SPATA16: variants seen among roughly 807,000 people sequenced by gnomAD.
SPATA16 encodes the protein spermatogenesis associated 16.
In SPATA16, 36 loss-of-function variants were observed where a neutral mutation model predicts 63.3. The observed-to-expected ratio is 0.57, with a 90% CI of 0.44 to 0.75. The LOEUF (loss-of-function observed/expected upper bound fraction) is 0.75. SPATA16 is among the 30% of genes least tolerant of loss of function. SPATA16 has a pLI of 0.00. For missense variants in SPATA16, 646 were observed against 679.3 expected, an observed-to-expected ratio of 0.95 and a Z score of 0.54; for synonymous variants, 203 against 216.7, an observed-to-expected ratio of 0.94 and a Z score of 0.56.
At chr3:173,026,683 C>T (rs1475325363) in intron 3 of SPATA16, among the ~76,000 whole-genome samples, 1 of 151,864 alleles carries the variant, frequency 6.6e-6, no homozygotes, top group East Asian at 1.9e-4. Context: ...AAAGACTATT[C>T]TTTCTCTATT....
intron 10 of SPATA16, among the ~76,000 whole-genome samples, chr3:172,890,316 A>G (rs1437587989): frequency 6.6e-6 from 1 of 152,148 alleles, no homozygotes; most frequent in Non-Finnish European, 1.5e-5. Context: ...AAAACTTGCA[A>G]TTATTCAATG....
At chr3:173,017,506 A>G (rs918778194) in intron 4 of SPATA16, among the ~76,000 whole-genome samples, 2 of 152,196 alleles carry the variant, frequency 1.3e-5, no homozygotes, top group Non-Finnish European at 2.9e-5. Flanking sequence ...TGTTATAGCC[A>G]ATGGTATGCT....
chr3:172,941,498 A>T (rs1357030698), intron 6 of SPATA16, among the ~76,000 whole-genome samples: 1 of 152,240 alleles, frequency 6.6e-6, no homozygotes, highest in African/African-American at 2.4e-5. Flanking sequence ...TGACTTCCCA[A>T]CAGCAATGAC....
chr3:173,102,906 A>C (rs1365931467), intron 2 of SPATA16, among the ~76,000 whole-genome samples: 1 of 152,216 alleles, frequency 6.6e-6, no homozygotes, highest in Non-Finnish European at 1.5e-5. Flanking sequence ...AATATAAACA[A>C]GTTATTTACT....
intron 4 of SPATA16, among the ~76,000 whole-genome samples, chr3:173,012,223 GCTAA>G (rs1735090063): frequency 6.6e-6 from 1 of 152,152 alleles, no homozygotes. Context: ...TAGGAACACA[GCTAA>G]CTAAGGAGAT....
chr3:173,052,641 A>G (rs946628272), intron 2 of SPATA16, among the ~76,000 whole-genome samples: 81 of 152,370 alleles, frequency 5.3e-4, no homozygotes, highest in African/African-American at 1.9e-3. Context: ...ACCATGAAAC[A>G]CATTTCAGAT....
intron 2 of SPATA16, among the ~76,000 whole-genome samples, chr3:173,083,660 C>G (rs537283476): frequency 2.6e-5 from 4 of 152,114 alleles, no homozygotes; most frequent in Non-Finnish European, 5.9e-5. Context: ...CCCCGAAAGG[C>G]CCCAGTGTGT....
chr3:173,005,174 G>A (rs892678048), intron 4 of SPATA16, among the ~76,000 whole-genome samples: 2 of 151,718 alleles, frequency 1.3e-5, no homozygotes, highest in African/African-American at 4.8e-5. Context: ...ACACAAAAAC[G>A]TCAACCAGGC....
At chr3:173,132,166 A>G (rs527322549) in intron 1 of SPATA16, among the ~76,000 whole-genome samples, 12 of 152,210 alleles carry the variant, frequency 7.9e-5, no homozygotes, top group African/African-American at 1.2e-4. Context: ...GTTGAGAAAT[A>G]TACTCTTGGA....
intron 5 of SPATA16, among the ~76,000 whole-genome samples, chr3:172,963,979 T>C (rs2108241578): frequency 6.6e-6 from 1 of 152,306 alleles, no homozygotes; most frequent in Non-Finnish European, 1.5e-5. Flanking sequence ...TCTTTTTTCA[T>C]CACTATCTAC....
chr3:173,028,335 A>G (rs1170523148), intron 3 of SPATA16, among the ~76,000 whole-genome samples: 1 of 151,862 alleles, frequency 6.6e-6, no homozygotes, highest in Non-Finnish European at 1.5e-5. Context: ...ATGCTGGATA[A>G]TAGCATCATT....
chr3:173,030,539 A>T (rs137946114), intron 3 of SPATA16, among the ~76,000 whole-genome samples: 9 of 152,054 alleles, frequency 5.9e-5, no homozygotes, highest in African/African-American at 1.9e-4. Context: ...ACCATCTCAC[A>T]CCCATTAGAA....
chr3:173,066,720 A>G (rs778559900), intron 2 of SPATA16, among the ~76,000 whole-genome samples: 11 of 152,190 alleles, frequency 7.2e-5, no homozygotes, highest in Non-Finnish European at 1.5e-4. Flanking sequence ...CCCATACTAC[A>G]GAGACTAGAA....
chr3:173,050,192 T>A (rs1211926066), intron 2 of SPATA16, among the ~76,000 whole-genome samples: 1 of 152,188 alleles, frequency 6.6e-6, no homozygotes, highest in Non-Finnish European at 1.5e-5. Flanking sequence ...ATGCAGTTTG[T>A]TATTTGAATG....
At chr3:173,073,051 C>G (rs530110358) in intron 2 of SPATA16, among the ~76,000 whole-genome samples, 2 of 152,212 alleles carry the variant, frequency 1.3e-5, no homozygotes, top group South Asian at 4.2e-4. Flanking sequence ...CAGCATTTTG[C>G]CATTTTGCCT....
At chr3:172,894,491 CAAAAA>C (rs34213880) in intron 10 of SPATA16, among the ~76,000 whole-genome samples, 1 of 143,580 alleles carries the variant, frequency 7.0e-6, no homozygotes, top group East Asian at 2.0e-4. Context: ...ACAAAACATG[CAAAAA>C]AAAAAAAAAG....
intron 9 of SPATA16, among the ~76,000 whole-genome samples, chr3:172,915,415 G>A (rs1200987325): frequency 6.6e-6 from 1 of 152,004 alleles, no homozygotes; most frequent in African/African-American, 2.4e-5. Context: ...GGTTTCTTTA[G>A]TCATCTGAAA....
At chr3:173,045,132 C>T (rs1402783696) in intron 3 of SPATA16, among the ~76,000 whole-genome samples, 1 of 152,076 alleles carries the variant, frequency 6.6e-6, no homozygotes, top group Non-Finnish European at 1.5e-5. Flanking sequence ...CAGTAAATTC[C>T]CATGCAGACT....
chr3:172,968,763 A>G (rs1733976710), intron 5 of SPATA16, among the ~76,000 whole-genome samples: 1 of 152,186 alleles, frequency 6.6e-6, no homozygotes, highest in Non-Finnish European at 1.5e-5. Context: ...CCTCAATTAC[A>G]TCTTTCATTT....
Sources: gnomAD v4.1 joint callset for allele counts (sites outside exome capture counted in the v4.1 genomes callset) on GRCh38, gnomAD v4.1.1 for gene constraint, MANE v1.5 for transcripts, NCBI Gene and HGNC (gene_info 2026-07-23, HGNC 2026-07-21) for gene names.